Variants in KPNA7 observed in about 807,000 individuals in gnomAD.
KPNA7 encodes the protein karyopherin subunit alpha 7, also known as importin subunit alpha-8.
KPNA7 carries 54 observed loss-of-function variants against 53.7 expected under a neutral mutation model. The observed-to-expected ratio is 1.01, with a 90% confidence interval of 0.81 to 1.26. The LOEUF is 1.26. Among genes scored for constraint, KPNA7 ranks in the 50% most tolerant of loss-of-function variants. The pLI is 0.00. For synonymous variants in KPNA7, 276 were observed against 259.3 expected, an observed-to-expected ratio of 1.06 and a Z score of -0.62; for missense variants, 640 against 644.5, an observed-to-expected ratio of 0.99 and a Z score of 0.07.
chr7:99,177,328 C>T (rs1471807439), intron 10 of KPNA7, among the ~76,000 whole-genome samples: 1 of 152,074 alleles, frequency 6.6e-6, no homozygotes, highest in Non-Finnish European at 1.5e-5. Flanking sequence ...GCCTGTGATC[C>T]CAGCACTTTG....
chr7:99,193,166 A>G (rs1232332844), intron 5 of KPNA7, 65 bp from the exon 6 acceptor site: 1 of 1,030,838 alleles, frequency 9.7e-7, no homozygotes, highest in Non-Finnish European at 1.4e-6. Context: ...TGGGTGACTA[A>G]TTTTTTAAGA....
At chr7:99,175,828 T>C (rs550981101) in intron 10 of KPNA7, among the ~76,000 whole-genome samples, 2 of 151,872 alleles carry the variant, frequency 1.3e-5, no homozygotes, top group Admixed American at 1.3e-4. Flanking sequence ...ATCATCTTGG[T>C]CCCAAATCAA....
intron 10 of KPNA7, among the ~76,000 whole-genome samples, chr7:99,177,687 C>G (rs1171848381): frequency 2.0e-5 from 3 of 151,046 alleles, no homozygotes. Flanking sequence ...GGCAGCCAGA[C>G]AAGCTCCCAA....
chr7:99,207,619 T>C (rs889965269), intron 1 of KPNA7, 130 bp from the exon 2 acceptor site: 6 of 85,726 alleles, frequency 7.0e-5, no homozygotes, highest in African/African-American at 4.0e-4. Context: ...CTAGCTTTTT[T>C]TTTTTTTTTT....
chr7:99,166,409 C>T, the KPNA7 span, among the ~76,000 whole-genome samples: 16 of 152,194 alleles, frequency 1.1e-4, no homozygotes, highest in South Asian at 2.5e-3. Context: ...CTGCCCCCCA[C>T]GTTCAAGTGA....
chr7:99,212,272 TTCATTC>T, upstream of KPNA7, among the ~76,000 whole-genome samples: 1 of 140,766 alleles, frequency 7.1e-6, no homozygotes, highest in African/African-American at 2.7e-5. Context: ...GAGACAGAGT[TTCATTC>T]TTGTAGCCCA....
At chr7:99,149,074 TTAG>T in the KPNA7 span, among the ~76,000 whole-genome samples, 1 of 151,956 alleles carries the variant, frequency 6.6e-6, no homozygotes, top group South Asian at 2.1e-4. Flanking sequence ...TTTTGTATTT[TTAG>T]TAGTTAGTGG....
At chr7:99,219,002 C>T (rs897460235) in intron 1 of KPNA7, among the ~76,000 whole-genome samples, 1 of 152,256 alleles carries the variant, frequency 6.6e-6, no homozygotes, top group African/African-American at 2.4e-5. Flanking sequence ...GCCTTAAATG[C>T]CCTCAGCTGA....
intron 3 of KPNA7, among the ~76,000 whole-genome samples, chr7:99,201,279 G>A (rs1427950277): frequency 6.6e-6 from 1 of 152,114 alleles, no homozygotes; most frequent in Non-Finnish European, 1.5e-5. Context: ...TAGTGGCAAT[G>A]GTTGCACAAC....
At chr7:99,176,077 T>C (rs1798887218) in intron 10 of KPNA7, among the ~76,000 whole-genome samples, 3 of 151,510 alleles carry the variant, frequency 2.0e-5, no homozygotes, top group Admixed American at 2.0e-4. Context: ...GGCAGGCGGA[T>C]CACGAGGTCA....
the KPNA7 span, among the ~76,000 whole-genome samples, chr7:99,168,102 C>T: frequency 1.4e-5 from 2 of 146,632 alleles, no homozygotes. Context: ...GGCATGTTTT[C>T]TTATCCTGCT....
chr7:99,209,624 C>T (rs138612816), upstream of KPNA7, among the ~76,000 whole-genome samples: 4 of 130,810 alleles, frequency 3.1e-5, no homozygotes, highest in African/African-American at 5.8e-5. Flanking sequence ...CGGAGGTTGC[C>T]GTGAGCCAAG....
chr7:99,167,835 A>T, the KPNA7 span, among the ~76,000 whole-genome samples: 3 of 151,814 alleles, frequency 2.0e-5, no homozygotes, highest in Non-Finnish European at 4.4e-5. Context: ...TCACCTCCAG[A>T]TGGGACCACC....
intron 6 of KPNA7, among the ~76,000 whole-genome samples, chr7:99,192,209 C>A (rs866155427): frequency 9.9e-5 from 15 of 152,212 alleles, no homozygotes; most frequent in Middle Eastern, 3.4e-3. Flanking sequence ...AAATAACTCC[C>A]ACAGGCTTAG....
At chr7:99,169,362 G>A (rs1411095765), downstream of KPNA7, among the ~76,000 whole-genome samples, 1 of 152,012 alleles carries the variant, frequency 6.6e-6, no homozygotes, top group Non-Finnish European at 1.5e-5. Context: ...GCTCACGCCT[G>A]TAATCCCAAC....
the KPNA7 span, among the ~76,000 whole-genome samples, chr7:99,165,622 C>T: frequency 1.3e-5 from 2 of 152,120 alleles, no homozygotes; most frequent in African/African-American, 2.4e-5. Flanking sequence ...ACCCAAACAC[C>T]GTTTCTCTTC....
chr7:99,180,221 G>T (rs576881002), intron 9 of KPNA7, among the ~76,000 whole-genome samples: 1 of 152,282 alleles, frequency 6.6e-6, no homozygotes, highest in South Asian at 2.1e-4. Context: ...AATCCTCTTG[G>T]CTAGGCATGG....
intron 1 of KPNA7, 88 bp from the exon 2 acceptor site, chr7:99,207,577 C>T (rs1449483504): frequency 6.5e-6 from 3 of 463,144 alleles, no homozygotes; most frequent in Non-Finnish European, 1.3e-5. Flanking sequence ...CCTTAAAGGG[C>T]TCACAGTGGA....
In KPNA7 at chr7:99,178,034, C is replaced by T. The variant is rs1347295343; in HGVS notation, c.1350G>A (p.Leu450=). 2 of 1,551,656 alleles carry T rather than the reference C, an allele frequency of 1.3e-6. No individual in the cohort carries two copies. The highest frequency in any genetic ancestry group is 1.7e-6 in the Non-Finnish European group (2 of 1,146,968). The change falls in exon 10 of 11, where the codon CTG becomes CTA. Residue 450 remains leucine, a synonymous_variant. Transcript: ENST00000327442. ...AAEKRSEKEN[L]CLLIEELGGI... ...CACCAAGTTCTTCTATCAGAAGACACAGGTTTTCCTTCTCAGACCGTTTCT... is the reference window on the plus strand; with the variant it reads ...CACCAAGTTCTTCTATCAGAAGACATAGGTTTTCCTTCTCAGACCGTTTCT...
Sources: allele counts gnomAD v4.1 joint callset (sites outside exome capture counted in the v4.1 genomes callset), GRCh38; gene constraint gnomAD v4.1.1; transcripts MANE v1.5; gene names NCBI Gene and HGNC (gene_info 2026-07-23, HGNC 2026-07-21).